HUS1B: variants seen among roughly 807,000 people sequenced by gnomAD.
HUS1B encodes checkpoint protein HUS1B.
For synonymous variants in HUS1B, 207 were observed against 176.2 expected (o/e 1.17, Z -1.38); for missense variants, 475 against 390.4 (o/e 1.22, Z -1.83).
rs1378849624 is a variant in HUS1B at position 656,474 on chromosome 6, G to A, written c.471C>T (p.Ile157=). 1.3e-5 allele frequency: 21 copies of A among 1,611,466 alleles called. No homozygotes were observed. Among genetic ancestry groups the A allele is most frequent in the Middle Eastern group, 1.7e-4 (1 of 6,058 alleles). The change falls in exon 1 of 1, where the codon ATC becomes ATT. Residue 157 remains isoleucine (I), a synonymous_variant. Coordinates refer to ENST00000380907, the MANE Select transcript of HUS1B (RefSeq NM_148959.4). ...TCAGCGTCCTCCAGCGCGGCAGGCG[G>A]ATGCTCGCGTCGGAGGCGCGCAGGC... is the stretch of plus-strand genomic sequence containing the variant. ...PPSLRASDAS[I]RLPRWRTLRS... is the part of the protein sequence containing the mutation.
Position 656,286 on chromosome 6 carries a change from T to A in HUS1B, c.659A>T (p.Asn220Ile), listed in dbSNP as rs370027929. The A allele has an allele frequency of 6.2e-7, 1 of 1,614,058 alleles. No individual in the cohort carries two copies. The highest frequency in any genetic ancestry group is 1.7e-5 in the Admixed American group (1 of 59,996). ...PPQSAVGVPE[N>I]RDLESMVQVR... ...TTGCACCATGCTCTCCAGGTCTCTGTTTTCAGGCACACCCACAGCCGACTG... is the reference window on the plus strand; with the variant it reads ...TTGCACCATGCTCTCCAGGTCTCTGATTTCAGGCACACCCACAGCCGACTG... The change falls in exon 1 of 1, where the codon AAC becomes ATC. Residue 220 changes from asparagine to isoleucine, a missense_variant. By Grantham distance (149) the Asn-to-Ile change is moderately radical. Coordinates refer to ENST00000380907, the MANE Select transcript of HUS1B (RefSeq NM_148959.4).
rs538707324 is a variant in HUS1B, at chr6:656,056, T to C, written c.*52A>G. 5 of 1,335,978 alleles carry C rather than the reference T, an allele frequency of 3.7e-6. No individual in the cohort carries two copies. The South Asian group carries it at 6.5e-5, about 17-fold the overall frequency. The allele number at this position is 1,335,978 out of a possible 1,614,324, so 82.8% of individuals were successfully genotyped here. ...AACCCAATTAACTCAGGGTCTGTTT[T>C]AGTTTTGAAAAGATCAAAACCTTAA... On this transcript the variant is annotated 3_prime_UTR_variant, in exon 1 of 1. Coordinates refer to ENST00000380907, the MANE Select transcript of HUS1B (RefSeq NM_148959.4).
Position 656,572 on chromosome 6 carries a change from C to T in HUS1B, c.373G>A (p.Ala125Thr), listed in dbSNP as rs1054812573. The change falls in exon 1 of 1, where the codon GCT becomes ACT. Residue 125 changes from alanine (A) to threonine (T), a missense_variant. Coordinates refer to ENST00000380907, the MANE Select transcript of HUS1B (RefSeq NM_148959.4). Reference sequence around the variant, plus strand: ...GGCAGATCGTGCACCACGCTGCGAGCGCGGCCCAGGGACGAGACCAGCTCC... The same window carrying T: ...GGCAGATCGTGCACCACGCTGCGAGTGCGGCCCAGGGACGAGACCAGCTCC... Reference protein sequence around the residue: ...AVELVSSLGRARSVVHDLPVR... With the variant: ...AVELVSSLGRTRSVVHDLPVR... 6.3e-7 allele frequency: 1 copy of T among 1,591,182 alleles called. No individual in the cohort carries two copies. Among genetic ancestry groups the T allele is most frequent in the Non-Finnish European group, 8.5e-7 (1 of 1,169,752 alleles).
At position 656,492 on chromosome 6, in the gene HUS1B, G is replaced by T; in HGVS notation, c.453C>A (p.Arg151=). 1.9e-6 allele frequency: 3 copies of T among 1,607,962 alleles called. No homozygotes were observed. The highest frequency in any genetic ancestry group is 1.7e-4 in the Middle Eastern group (1 of 6,056). Residue 151 remains arginine (R), a synonymous_variant, in exon 1 of 1, where the codon CGC becomes CGA. Transcript: ENST00000380907. The part of the protein sequence containing the change: ...VWRDCLPPSL[R]ASDASIRLPR... ...GCAGGCGGATGCTCGCGTCGGAGGC[G>T]CGCAGGCTGGGCGGCAGGCAGTCCC... is the stretch of plus-strand genomic sequence containing the variant.
rs1482751290 is a variant in HUS1B at position 656,311 on chromosome 6, G to T, written c.634C>A (p.Gln212Lys). The T allele has an allele frequency of 1.5e-5, 25 of 1,614,046 alleles. No homozygotes were observed. The highest frequency in any genetic ancestry group is 2.1e-5 in the Non-Finnish European group (25 of 1,180,034). The change falls in exon 1 of 1, where the codon CAG becomes AAG. Residue 212 changes from glutamine (Q) to lysine (K), a missense_variant. By Grantham distance (53) the Gln-to-Lys change is moderately conservative. Coordinates refer to ENST00000380907, the MANE Select transcript of HUS1B (RefSeq NM_148959.4). The part of the protein sequence containing the change: ...SYFKNLGNPP[Q>K]SAVGVPENRD... ...TTTTCAGGCACACCCACAGCCGACT[G>T]GGGAGGGTTTCCAAGATTTTTAAAA...
rs755164082 is a variant in HUS1B, at chr6:656,404, C to G, written c.541G>C (p.Val181Leu). ...RMANVGSHVL[V>L]EANLSGRMTL... ...ATCCTGCCACTGAGGTTTGCTTCCA[C>G]CAGCACGTGACTGCCCACGTTCGCC... Residue 181 changes from valine to leucine, a missense_variant, in exon 1 of 1, where the codon GTG (valine) becomes CTG (leucine). By Grantham distance (32) the Val-to-Leu change is conservative (BLOSUM62 1). Coordinates refer to ENST00000380907, the MANE Select transcript of HUS1B (RefSeq NM_148959.4). 1.1e-5 allele frequency: 18 copies of G among 1,614,078 alleles called. No homozygotes were observed. Among genetic ancestry groups the G allele is most frequent in the Non-Finnish European group, 1.5e-5 (18 of 1,180,034 alleles).
Position 656,486 on chromosome 6 carries a change from G to T in HUS1B, c.459C>A (p.Ser153=). The T allele has an allele frequency of 6.2e-7, 1 of 1,609,294 alleles. No individual in the cohort carries two copies. Among genetic ancestry groups the T allele is most frequent in the Non-Finnish European group, 8.5e-7 (1 of 1,178,788 alleles). Residue 153 remains serine (S), a synonymous_variant, in exon 1 of 1, where the codon TCC becomes TCA. Coordinates refer to ENST00000380907, the MANE Select transcript of HUS1B (RefSeq NM_148959.4). ...AGCGCGGCAGGCGGATGCTCGCGTC[G>T]GAGGCGCGCAGGCTGGGCGGCAGGC... ...RDCLPPSLRA[S]DASIRLPRWR... is the part of the protein sequence containing the mutation.
Position 656,631 on chromosome 6 carries a change from G to A in HUS1B, c.314C>T (p.Thr105Ile). The change falls in exon 1 of 1, where the codon ACC (threonine) becomes ATC (isoleucine). Residue 105 changes from threonine (T) to isoleucine (I), a missense_variant. Physicochemically the swap from Thr to Ile is moderately conservative, Grantham distance 89. Transcript: ENST00000380907. ...AGASSLKLQL[T>I]HKRRPSLTVA... ...CGTGAGGGAGGGGCGGCGCTTGTGGGTCAGCTGCAGCTTCAGGGAGGACGC... is the reference window on the plus strand; with the variant it reads ...CGTGAGGGAGGGGCGGCGCTTGTGGATCAGCTGCAGCTTCAGGGAGGACGC... The A allele has an allele frequency of 6.2e-7, 1 of 1,605,568 alleles. No individual in the cohort carries two copies. Among genetic ancestry groups the A allele is most frequent in the Non-Finnish European group, 8.5e-7 (1 of 1,176,192 alleles).
rs1439403326 is a variant in HUS1B at position 656,846 on chromosome 6, G to A, written c.99C>T (p.Arg33=). 2.5e-6 allele frequency: 4 copies of A among 1,610,810 alleles called. No individual in the cohort carries two copies. Among genetic ancestry groups the A allele is most frequent in the Non-Finnish European group, 2.5e-6 (3 of 1,178,068 alleles). Residue 33 remains arginine (R), a synonymous_variant, in exon 1 of 1, where the codon CGC becomes CGT. Coordinates refer to ENST00000380907, the MANE Select transcript of HUS1B (RefSeq NM_148959.4). ...VARLAKVCVL[R]VRPDSLCFGP... ...CGAAGCACAGGCTGTCAGGGCGCAC[G>A]CGGAGCACGCAGACCTTCGCTAGCC...
chr6:656,543 C>A lies in HUS1B; in HGVS notation c.402G>T (p.Val134=). The change falls in exon 1 of 1, where the codon GTG becomes GTT. Residue 134 remains valine (V), a synonymous_variant. Coordinates refer to ENST00000380907, the MANE Select transcript of HUS1B (RefSeq NM_148959.4). ...RARSVVHDLP[V]RVLPRRVWRD... is the part of the protein sequence containing the mutation. The stretch of plus-strand genomic sequence containing the variant: ...GCCACACTCTCCTGGGAAGCACCCG[C>A]ACGGGCAGATCGTGCACCACGCTGC... The A allele has an allele frequency of 6.2e-7, 1 of 1,600,862 alleles. No individual in the cohort carries two copies. The highest frequency in any genetic ancestry group is 8.5e-7 in the Non-Finnish European group (1 of 1,174,888).
Position 656,956 on chromosome 6 carries a change from G to A in HUS1B, c.-12C>T, listed in dbSNP as rs372232801. The A allele has an allele frequency of 6.0e-6, 9 of 1,508,814 alleles. No individual in the cohort carries two copies. Among genetic ancestry groups the A allele is most frequent in the Non-Finnish European group, 8.0e-6 (9 of 1,123,714 alleles). The allele number at this position is 1,508,814 out of a possible 1,614,324, so 93.5% of individuals were successfully genotyped here. ...GCGCGAAACTTCATGATGCCACAGG[G>A]AAGGCAGCTGGGGGCCTCTGAGGGG... On this transcript the variant is annotated 5_prime_UTR_variant, in exon 1 of 1. Transcript: ENST00000380907.
At position 656,620 on chromosome 6, in the gene HUS1B, G is replaced by T. The variant is rs539446508; in HGVS notation, c.325C>A (p.Arg109Ser). 48 of 1,602,518 alleles carry T rather than the reference G, an allele frequency of 3.0e-5. No homozygotes were observed. Among genetic ancestry groups the T allele is most frequent in the Non-Finnish European group, 3.9e-5 (46 of 1,174,842 alleles). ...TCCACCGCCACCGTGAGGGAGGGGC[G>T]GCGCTTGTGGGTCAGCTGCAGCTTC... is the stretch of plus-strand genomic sequence containing the variant. ...SLKLQLTHKR[R>S]PSLTVAVELV... The change falls in exon 1 of 1, where the codon CGC becomes AGC. Residue 109 changes from arginine to serine, a missense_variant. Transcript: ENST00000380907.
At position 657,051 on chromosome 6, in the gene HUS1B, G is replaced by GC. The variant is rs376254927; in HGVS notation, c.-108dup. The stretch of plus-strand genomic sequence containing the variant: ...CGCTGCCCTCCCCGCCCTCCCTCCG[G>GC]CCCCCCAGCTAGGCAGGCACTCGGG... On this transcript the variant is annotated 5_prime_UTR_variant, in exon 1 of 1. Coordinates refer to ENST00000380907, the MANE Select transcript of HUS1B (RefSeq NM_148959.4). 7 of 947,736 alleles carry GC rather than the reference G, an allele frequency of 7.4e-6. No individual in the cohort carries two copies. Among genetic ancestry groups the GC allele is most frequent in the African/African-American group, 5.7e-5 (3 of 52,886 alleles). The allele number at this position is 947,736 out of a possible 1,614,324, so 58.7% of individuals were successfully genotyped here.
Position 656,725 on chromosome 6 carries a change from C to A in HUS1B, c.220G>T (p.Asp74Tyr). The A allele has an allele frequency of 6.3e-7, 1 of 1,596,658 alleles. No homozygotes were observed. Among genetic ancestry groups the A allele is most frequent in the South Asian group, 1.1e-5 (1 of 89,126 alleles). Residue 74 changes from aspartate to tyrosine, a missense_variant, in exon 1 of 1, where the codon GAT becomes TAT. Coordinates refer to ENST00000380907, the MANE Select transcript of HUS1B (RefSeq NM_148959.4). ...QQFRMEGVSE[D>Y]LDEIHLELTA... is the part of the protein sequence containing the mutation. Reference sequence around the variant, plus strand: ...AGCTCCAGGTGGATCTCATCGAGATCTTCCGAGACACCTTCCATGCGAAAC... The same window carrying A: ...AGCTCCAGGTGGATCTCATCGAGATATTCCGAGACACCTTCCATGCGAAAC...
At position 656,647 on chromosome 6, in the gene HUS1B, G is replaced by T; in HGVS notation, c.298C>A (p.Leu100Met). 6.2e-7 allele frequency: 1 copy of T among 1,607,318 alleles called. No individual in the cohort carries two copies. Among genetic ancestry groups the T allele is most frequent in the Non-Finnish European group, 8.5e-7 (1 of 1,177,092 alleles). ...CGCTTGTGGGTCAGCTGCAGCTTCA[G>T]GGAGGACGCGCCCGCTGCGCTTCTC... ...AARSAAGASSLKLQLTHKRRP... is the reference protein window; with the variant it reads ...AARSAAGASSMKLQLTHKRRP... Residue 100 changes from leucine (L) to methionine (M), a missense_variant, in exon 1 of 1, where the codon CTG becomes ATG. By Grantham distance (15) the Leu-to-Met change is conservative. Transcript: ENST00000380907.
At position 657,074 on chromosome 6, in the gene HUS1B, G is replaced by A; in HGVS notation, c.-130C>T. On this transcript the variant is annotated 5_prime_UTR_variant, in exon 1 of 1. Transcript: ENST00000380907. ...CGGCCCCCCAGCTAGGCAGGCACTC[G>A]GGTTCCCGGTTGCGGTTGCGGGTTC... The A allele has an allele frequency of 2.6e-6, 2 of 768,580 alleles. No individual in the cohort carries two copies. Among genetic ancestry groups the A allele is most frequent in the Non-Finnish European group, 3.9e-6 (2 of 507,666 alleles). 47.6% of individuals were successfully genotyped at this position (768,580 alleles called of 1,614,324 possible). A position where few individuals can be genotyped will look rare whatever the true frequency, so the allele number is the denominator to read the frequency against.
Position 656,213 on chromosome 6 carries a change from T to G in HUS1B, c.732A>C (p.Gln244His), listed in dbSNP as rs373928600. ...TGCACAGGGCCGTCGTAGGATGTAT[T>G]TGCTGTCCCTCCAAAAACTGCAGAA... ...RKLLQFLEGQ[Q>H]IHPTTALCNI... Residue 244 changes from glutamine to histidine, a missense_variant, in exon 1 of 1, where the codon CAA becomes CAC. Transcript: ENST00000380907. 1.4e-5 allele frequency: 22 copies of G among 1,614,098 alleles called. No homozygotes were observed. The highest frequency in any genetic ancestry group is 2.7e-5 in the African/African-American group (2 of 74,934).
chr6:656,691 T>G lies in HUS1B; in HGVS notation c.254A>C (p.Glu85Ala). ...GCTTCTCGCCGCCCGGGACAGGTGC[T>G]CCGCCGTCAGCTCCAGGTGGATCTC... is the stretch of plus-strand genomic sequence containing the variant. ...LDEIHLELTA[E>A]HLSRAARSAA... The change falls in exon 1 of 1, where the codon GAG becomes GCG. Residue 85 changes from glutamate (E) to alanine (A), a missense_variant. By Grantham distance (107) the Glu-to-Ala change is moderately radical (BLOSUM62 -1). Coordinates refer to ENST00000380907, the MANE Select transcript of HUS1B (RefSeq NM_148959.4). The G allele has an allele frequency of 6.2e-7, 1 of 1,606,014 alleles. No homozygotes were observed. Among genetic ancestry groups the G allele is most frequent in the Non-Finnish European group, 8.5e-7 (1 of 1,176,328 alleles).
rs775602490 is a variant in HUS1B, at chr6:656,081, A to G, written c.*27T>C. On this transcript the variant is annotated 3_prime_UTR_variant, in exon 1 of 1. Transcript: ENST00000380907. ...TAGTTTTGAAAAGATCAAAACCTTA[A>G]AAAAAAAATCTAAGCTGGCTGAATT... 6.5e-7 allele frequency: 1 copy of G among 1,538,894 alleles called. No homozygotes were observed. Among genetic ancestry groups the G allele is most frequent in the East Asian group, 2.3e-5 (1 of 44,346 alleles).
Sources: allele counts gnomAD v4.1 joint callset, GRCh38; gene constraint gnomAD v4.1.1; transcripts MANE v1.5; gene names NCBI Gene and HGNC (gene_info 2026-07-23, HGNC 2026-07-21).